SHLD3: variants seen among roughly 807,000 people sequenced by gnomAD.
The protein encoded by SHLD3 is REV7-interacting novel NHEJ regulator 1.
Under a neutral mutation model 21.4 loss-of-function variants are expected in SHLD3, and 15 were observed. The ratio of observed to expected loss-of-function variants is 0.70; its 90% CI spans 0.47 to 1.08. The LOEUF is 1.08. Among genes scored for constraint, SHLD3 ranks in the 50% least tolerant of loss-of-function variants. The probability of loss-of-function intolerance (pLI) is 0.00; values close to 1 mark genes in which losing one functional copy is unlikely to be tolerated. For synonymous variants in SHLD3, 103 were observed against 97.2 expected, an observed-to-expected ratio of 1.06 and a Z score of -0.35; for missense variants, 273 against 286.1, an observed-to-expected ratio of 0.95 and a Z score of 0.33.
In SHLD3 at chr5:65,629,793, A is replaced by C. The variant is rs1216519137; in HGVS notation, c.206A>C (p.Lys69Thr). Residue 69 changes from lysine to threonine, a missense_variant, in exon 2 of 2, where the codon AAA (lysine) becomes ACA (threonine). Transcript: ENST00000510585. ...VISEEAAEDVKQYLTISEHDA... is the reference protein window; with the variant it reads ...VISEEAAEDVTQYLTISEHDA... Reference sequence around the variant, plus strand: ...TCTGAAGAGGCAGCTGAAGATGTGAAACAGTACTTAACCATTTCAGAACAT... The same window carrying C: ...TCTGAAGAGGCAGCTGAAGATGTGACACAGTACTTAACCATTTCAGAACAT... 6.5e-7 allele frequency: 1 copy of C among 1,536,108 alleles called. No individual in the cohort carries two copies. Among genetic ancestry groups the C allele is most frequent in the Non-Finnish European group, 8.7e-7 (1 of 1,146,880 alleles).
chr5:65,626,178 G>C (rs1034220071), intron 1 of SHLD3: 3 of 152,150 alleles, frequency 2.0e-5, no homozygotes, highest in Admixed American at 6.6e-5. Context: ...ACTAATTGTC[G>C]TGTTCTTTAT....
chr5:65,628,721 T>G (rs1755371691), intron 1 of SHLD3, among the ~76,000 whole-genome samples: 1 of 152,062 alleles, frequency 6.6e-6, no homozygotes, highest in South Asian at 2.1e-4. Context: ...CTGCCCGCCT[T>G]GGCCCCCATA....
In SHLD3 at chr5:65,630,165, G is replaced by A. The variant is rs749561599; in HGVS notation, c.578G>A (p.Arg193Lys). The A allele has an allele frequency of 7.7e-5, 118 of 1,535,862 alleles. 2 individuals carry two copies. In the South Asian group the frequency reaches 1.2e-3, roughly 16 times the overall value. ...DIWTKLNQII[R>K]HNELPSCNAT... is the part of the protein sequence containing the mutation. ...TGGACAAAACTCAATCAAATTATTA[G>A]GCACAATGAACTTCCATCTTGTAAT... The change falls in exon 2 of 2, where the codon AGG becomes AAG. Residue 193 changes from arginine (R) to lysine (K), a missense_variant. Physicochemically the swap from Arg to Lys is conservative, Grantham distance 26. Coordinates refer to ENST00000510585, the MANE Select transcript of SHLD3 (RefSeq NM_001365341.2).
chr5:65,629,829 C>T lies in SHLD3; in HGVS notation c.242C>T (p.Ser81Leu). The change falls in exon 2 of 2, where the codon TCA becomes TTA. Residue 81 changes from serine to leucine, a missense_variant. By Grantham distance (145) the Ser-to-Leu change is moderately radical. Transcript: ENST00000510585. The part of the protein sequence containing the change: ...YLTISEHDAK[S>L]HSYDCTVDLL... ...ACCATTTCAGAACATGATGCTAAGT[C>T]ACACAGTTATGATTGCACAGTAGAT... 1.3e-6 allele frequency: 2 copies of T among 1,536,048 alleles called. No homozygotes were observed. Among genetic ancestry groups the T allele is most frequent in the Non-Finnish European group, 1.7e-6 (2 of 1,146,880 alleles).
rs1755456064 is a variant in SHLD3 at position 65,629,918 on chromosome 5, C to A, written c.331C>A (p.Gln111Lys). 6.5e-7 allele frequency: 1 copy of A among 1,536,072 alleles called. No homozygotes were observed. ...HLTWSHTLKE[Q>K]TNSGNLGKQS... ...AACCTGGTCACACACACTGAAGGAA[C>A]AGACTAATTCTGGAAATCTGGGTAA... The change falls in exon 2 of 2, where the codon CAG becomes AAG. Residue 111 changes from glutamine to lysine, a missense_variant. Physicochemically the swap from Gln to Lys is moderately conservative, Grantham distance 53. Coordinates refer to ENST00000510585, the MANE Select transcript of SHLD3 (RefSeq NM_001365341.2).
chr5:65,630,193 T>TA lies in SHLD3; in HGVS notation c.607dup (p.Thr203AsnfsTer14). On this transcript the variant is annotated frameshift_variant, in exon 2 of 2. Transcript: ENST00000510585. LOFTEE classifies it high-confidence loss of function. ...ACAATGAACTTCCATCTTGTAATGCTACAATTCAGAGGCATTTAGGCCAAA... is the reference window on the plus strand; with the variant it reads ...ACAATGAACTTCCATCTTGTAATGCTAACAATTCAGAGGCATTTAGGCCAAA... 6.5e-7 allele frequency: 1 copy of TA among 1,536,018 alleles called. No individual in the cohort carries two copies. Among genetic ancestry groups the TA allele is most frequent in the Admixed American group, 2.0e-5 (1 of 50,998 alleles).
rs772057539 is a variant in SHLD3 at position 65,629,765 on chromosome 5, A to G, written c.178A>G (p.Ile60Val). 141 of 1,535,972 alleles carry G rather than the reference A, an allele frequency of 9.2e-5. No individual in the cohort carries two copies. The highest frequency in any genetic ancestry group is 1.2e-4 in the Non-Finnish European group (138 of 1,146,906). ...PLRPKRSPPV[I>V]SEEAAEDVKQ... The stretch of plus-strand genomic sequence containing the variant: ...CAGACCTAAAAGATCACCACCTGTG[A>G]TTTCTGAAGAGGCAGCTGAAGATGT... The change falls in exon 2 of 2, where the codon ATT becomes GTT. Residue 60 changes from isoleucine (I) to valine (V), a missense_variant. Coordinates refer to ENST00000510585, the MANE Select transcript of SHLD3 (RefSeq NM_001365341.2).
rs1482741753 is a variant in SHLD3 at position 65,630,797 on chromosome 5, T to C, written c.*457T>C. 2.5e-5 allele frequency: 13 copies of C among 514,300 alleles called. No homozygotes were observed. Among genetic ancestry groups the C allele is most frequent in the Non-Finnish European group, 3.3e-5 (13 of 399,094 alleles). The allele number at this position is 514,300 out of a possible 1,614,324, so 31.9% of individuals were successfully genotyped here. A position where few individuals can be genotyped will look rare whatever the true frequency, so the allele number is the denominator to read the frequency against. ...TGTTTCCAAAGATATGTAATAACAA[T>C]TGATAGGCTGTTTTCAAACAACGAT... is the stretch of plus-strand genomic sequence containing the variant. On this transcript the variant is annotated 3_prime_UTR_variant, in exon 2 of 2. Transcript: ENST00000510585.
chr5:65,628,436 A>G (rs982422684), intron 1 of SHLD3, among the ~76,000 whole-genome samples: 1 of 151,612 alleles, frequency 6.6e-6, no homozygotes, highest in African/African-American at 2.4e-5. Flanking sequence ...TTCTATCTAT[A>G]TATTTGTTTG....
At chr5:65,628,788 G>A (rs1163153085) in intron 1 of SHLD3, among the ~76,000 whole-genome samples, 1 of 151,496 alleles carries the variant, frequency 6.6e-6, no homozygotes, top group East Asian at 1.9e-4. Context: ...ATAATTTTAA[G>A]TATAAAATGA....
chr5:65,628,705 C>T (rs543974493), intron 1 of SHLD3, among the ~76,000 whole-genome samples: 17 of 152,066 alleles, frequency 1.1e-4, no homozygotes, highest in Admixed American at 2.0e-4. Flanking sequence ...CTCCTGACCT[C>T]GTGATCTGCC....
In SHLD3 at chr5:65,630,024, C is replaced by A. The variant is rs1292647390; in HGVS notation, c.437C>A (p.Ser146Tyr). 1 of 1,535,828 alleles carries A rather than the reference C, an allele frequency of 6.5e-7. No individual in the cohort carries two copies. Among genetic ancestry groups the A allele is most frequent in the Non-Finnish European group, 8.7e-7 (1 of 1,146,848 alleles). ...AGCAATAATTGTACTAAAAACGTTT[C>A]TCCTTTGTCTAAAAAATTGCAAGAT... ...LPSNNCTKNV[S>Y]PLSKKLQDSL... The change falls in exon 2 of 2, where the codon TCT (serine) becomes TAT (tyrosine). Residue 146 changes from serine (S) to tyrosine (Y), a missense_variant. Physicochemically the swap from Ser to Tyr is moderately radical, Grantham distance 144. Transcript: ENST00000510585.
At chr5:65,628,135 T>A (rs1755336414) in intron 1 of SHLD3, among the ~76,000 whole-genome samples, 1 of 152,216 alleles carries the variant, frequency 6.6e-6, no homozygotes, top group Admixed American at 6.5e-5. Context: ...GCTCCATTCT[T>A]GAGCCTATGC....
At chr5:65,629,379 T>G in intron 1 of SHLD3, 89 bp from the exon 2 acceptor site, 4 of 1,013,492 alleles carry the variant, frequency 3.9e-6, no homozygotes, top group Non-Finnish European at 3.9e-6. Context: ...TGGGATTGGT[T>G]TTTGTTTTTT....
In SHLD3 at chr5:65,629,969, A is replaced by G; in HGVS notation, c.382A>G (p.Lys128Glu). ...ACAATCAGAAAAGGGAAAACAGCAC[A>G]AGAGGAGATCTTGGAGTATTTCCCT... is the stretch of plus-strand genomic sequence containing the variant. ...GKQSEKGKQH[K>E]RRSWSISLPS... Residue 128 changes from lysine to glutamate, a missense_variant, in exon 2 of 2, where the codon AAG becomes GAG. Lys to Glu is a moderately conservative substitution (Grantham distance 56, BLOSUM62 1). Transcript: ENST00000510585. 1.3e-6 allele frequency: 2 copies of G among 1,536,056 alleles called. No homozygotes were observed. Among genetic ancestry groups the G allele is most frequent in the Non-Finnish European group, 1.7e-6 (2 of 1,146,864 alleles).
In SHLD3 at chr5:65,625,123, C is replaced by T. The variant is rs1250229155; in HGVS notation, c.-121+17C>T. On this transcript the variant is annotated intron_variant, in intron 1 of 1. Coordinates refer to ENST00000510585, the MANE Select transcript of SHLD3 (RefSeq NM_001365341.2). ...CGCTAAAAGGTAAACTTTTGCGAAC[C>T]TGATTCCCCCTTTTCTGTTTCCTTG... is the stretch of plus-strand genomic sequence containing the variant. 2 of 1,606,660 alleles carry T rather than the reference C, an allele frequency of 1.2e-6. No individual in the cohort carries two copies. The highest frequency in any genetic ancestry group is 3.3e-5 in the Admixed American group (2 of 59,994).
intron 1 of SHLD3, among the ~76,000 whole-genome samples, chr5:65,628,461 A>ATTTT (rs753065631): frequency 7.0e-6 from 1 of 143,530 alleles, no homozygotes; most frequent in Admixed American, 7.0e-5. Flanking sequence ...AATCCATATA[A>ATTTT]TTTTTTTTTT....
At position 65,630,783 on chromosome 5, in the gene SHLD3, A is replaced by C. The variant is rs1267980487; in HGVS notation, c.*443A>C. 1.6e-6 allele frequency: 1 copy of C among 634,884 alleles called. No individual in the cohort carries two copies. Among genetic ancestry groups the C allele is most frequent in the African/African-American group, 2.0e-5 (1 of 50,840 alleles). The allele number at this position is 634,884 out of a possible 1,614,324, so 39.3% of individuals were successfully genotyped here. On this transcript the variant is annotated 3_prime_UTR_variant, in exon 2 of 2. Coordinates refer to ENST00000510585, the MANE Select transcript of SHLD3 (RefSeq NM_001365341.2). ...TAGATTTATAATGATGTTTCCAAAG[A>C]TATGTAATAACAATTGATAGGCTGT...
Position 65,630,160 on chromosome 5 carries a change from T to G in SHLD3, c.573T>G (p.Ile191Met). 1 of 1,536,052 alleles carries G rather than the reference T, an allele frequency of 6.5e-7. No individual in the cohort carries two copies. Among genetic ancestry groups the G allele is most frequent in the African/African-American group, 1.4e-5 (1 of 73,172 alleles). Reference protein sequence around the residue: ...LEDIWTKLNQIIRHNELPSCN... With the variant: ...LEDIWTKLNQMIRHNELPSCN... ...ACATTTGGACAAAACTCAATCAAAT[T>G]ATTAGGCACAATGAACTTCCATCTT... The change falls in exon 2 of 2, where the codon ATT (isoleucine) becomes ATG (methionine). Residue 191 changes from isoleucine (I) to methionine (M), a missense_variant. Coordinates refer to ENST00000510585, the MANE Select transcript of SHLD3 (RefSeq NM_001365341.2).
Sources: allele counts gnomAD v4.1 joint callset (sites outside exome capture counted in the v4.1 genomes callset), GRCh38; gene constraint gnomAD v4.1.1; transcripts MANE v1.5; gene names NCBI Gene and HGNC (gene_info 2026-07-23, HGNC 2026-07-21).